ANKEF1: variants seen among roughly 807,000 people sequenced by gnomAD.
ANKEF1 encodes the protein ankyrin repeat and EF-hand domain-containing protein 1.
A neutral mutation model predicts 65.1 loss-of-function variants in ANKEF1; 43 were observed. The ratio of observed to expected loss-of-function variants is 0.66; its 90% CI spans 0.52 to 0.85. ANKEF1 has a LOEUF of 0.85. Ranked by LOEUF, ANKEF1 falls within the 40% of genes least tolerant of loss-of-function variation. The probability of loss-of-function intolerance (pLI) is 0.00; values close to 1 mark genes in which losing one functional copy is unlikely to be tolerated. For missense variants in ANKEF1, 934 were observed against 952.9 expected (o/e 0.98, Z 0.26); for synonymous variants, 316 against 341.5 (o/e 0.93, Z 0.82).
At chr20:10,035,725 A>AAAC (rs1983801240) in intron 2 of ANKEF1, 83 bp downstream of exon 2, 1 of 152,166 alleles carries the variant, frequency 6.6e-6, no homozygotes, top group Non-Finnish European at 1.5e-5. Context: ...GGATTTCCCC[A>AAAC]CCTCAAACCC....
rs949476881 is a variant in ANKEF1, at chr20:10,039,863, A to G, written c.346+1216A>G. Among the ~76,000 whole-genome samples the G allele has an allele frequency of 2.0e-5, 3 of 152,182 alleles. 1 individual carries two copies. The highest frequency in any genetic ancestry group is 2.0e-4 in the Admixed American group (3 of 15,274). On this transcript the variant is annotated intron_variant, in intron 3 of 10. Coordinates refer to ENST00000378392, the MANE Select transcript of ANKEF1 (RefSeq NM_022096.6). ...CCACAAAATAATTTTTTTTAATGAC[A>G]TCTTATATGCCTGGAGTTTTGTGGA...
chr20:10,046,630 A>T (rs990989300), intron 6 of ANKEF1, among the ~76,000 whole-genome samples: 2 of 152,164 alleles, frequency 1.3e-5, no homozygotes, highest in African/African-American at 4.8e-5. Flanking sequence ...ATTACATGCT[A>T]ATTAAATGCA....
Position 10,055,764 on chromosome 20 carries a change from A to T in ANKEF1, c.*104A>T, listed in dbSNP as rs1985116910. The T allele has an allele frequency of 1.7e-6, 2 of 1,161,592 alleles. No homozygotes were observed. The highest frequency in any genetic ancestry group is 2.2e-5 in the Admixed American group (1 of 44,496). The allele number at this position is 1,161,592 out of a possible 1,614,324, so 72.0% of individuals were successfully genotyped here. A position where few individuals can be genotyped will look rare whatever the true frequency, so the allele number is the denominator to read the frequency against. ...AGCCAAAGCAATCCATACACCAAGA[A>T]CTTGTTACCAAGAATTTCTTTTTGC... On this transcript the variant is annotated 3_prime_UTR_variant, in exon 11 of 11. Transcript: ENST00000378392.
At position 10,049,487 on chromosome 20, in the gene ANKEF1, A is replaced by G. The variant is rs747122699; in HGVS notation, c.918A>G (p.Ala306=). 4 of 1,614,192 alleles carry G rather than the reference A, an allele frequency of 2.5e-6. No homozygotes were observed. The South Asian group carries it at 4.4e-5, about 18-fold the overall frequency. Residue 306 remains alanine (A), a synonymous_variant, in exon 7 of 11, where the codon GCA becomes GCG. Transcript: ENST00000378392. The part of the protein sequence containing the change: ...FKAASKEIRR[A]ERIANKLARP... ...CAGCAAGCAAAGAAATACGCCGAGC[A>G]GAGAGAATCGCTAATAAACTAGCCA...
intron 4 of ANKEF1, 79 bp downstream of exon 4, chr20:10,043,400 C>A: frequency 7.4e-7 from 1 of 1,357,916 alleles, no homozygotes; most frequent in Non-Finnish European, 1.0e-6. Flanking sequence ...AATATGATGA[C>A]ATTATCCTGT....
chr20:10,037,093 G>A (rs992856703), intron 2 of ANKEF1, among the ~76,000 whole-genome samples: 1 of 152,124 alleles, frequency 6.6e-6, no homozygotes. Flanking sequence ...GCAGGCTTGC[G>A]ATGGAGAAAA....
At chr20:10,054,673 G>T in intron 10 of ANKEF1, 74 bp downstream of exon 10, 1 of 1,441,372 alleles carries the variant, frequency 6.9e-7, no homozygotes, top group Non-Finnish European at 9.5e-7. Context: ...TTTTTATGTA[G>T]AATATCCAAA....
chr20:10,055,728 A>C lies in ANKEF1; in HGVS notation c.*68A>C. 1 of 1,556,810 alleles carries C rather than the reference A, an allele frequency of 6.4e-7. No homozygotes were observed. Among genetic ancestry groups the C allele is most frequent in the Non-Finnish European group, 8.8e-7 (1 of 1,134,160 alleles). ...GGACCAATCTTTGGAGAAAGTAGAT[A>C]TTTCCATCAAAGCCAAAGCAATCCA... On this transcript the variant is annotated 3_prime_UTR_variant, in exon 11 of 11. Transcript: ENST00000378392.
At chr20:10,044,978 T>C (rs1226255674) in intron 5 of ANKEF1, among the ~76,000 whole-genome samples, 2 of 152,214 alleles carry the variant, frequency 1.3e-5, no homozygotes, top group Non-Finnish European at 2.9e-5. Context: ...ATTCTGATTA[T>C]CTAAACATAC....
chr20:10,041,230 GT>G (rs1395946837), intron 3 of ANKEF1, among the ~76,000 whole-genome samples: 8 of 151,374 alleles, frequency 5.3e-5, no homozygotes, highest in African/African-American at 1.7e-4. Context: ...GTATATGTGT[GT>G]TTTTCTTTAT....
chr20:10,040,475 A>G (rs1451704735), intron 3 of ANKEF1: 1 of 152,234 alleles, frequency 6.6e-6, no homozygotes, highest in Non-Finnish European at 1.5e-5. Flanking sequence ...TTTACAGAAT[A>G]TGGAGAAGGT....
At chr20:10,055,366 A>G in intron 10 of ANKEF1, 136 bp from the exon 11 acceptor site, 1 of 759,388 alleles carries the variant, frequency 1.3e-6, no homozygotes, top group Non-Finnish European at 2.1e-6. Context: ...ATCTAAAAGT[A>G]AATTTAATAG....
intron 3 of ANKEF1, among the ~76,000 whole-genome samples, chr20:10,042,361 T>C (rs1984241863): frequency 6.6e-6 from 1 of 152,158 alleles, no homozygotes; most frequent in Admixed American, 6.5e-5. Context: ...TAGTGGTTTC[T>C]TTTTTGGTTA....
rs368975724 is a variant in ANKEF1 at position 10,038,618 on chromosome 20, A to G, written c.317A>G (p.Asp106Gly). Reference protein sequence around the residue: ...SMEILAKAKADMTIVDNEGKG... With the variant: ...SMEILAKAKAGMTIVDNEGKG... ...GAAATATTAGCAAAGGCAAAGGCTGATATGACTATAGTTGATAATGAAGGA... is the reference window on the plus strand; with the variant it reads ...GAAATATTAGCAAAGGCAAAGGCTGGTATGACTATAGTTGATAATGAAGGA... Residue 106 changes from aspartate to glycine, a missense_variant, in exon 3 of 11, where the codon GAT becomes GGT. Transcript: ENST00000378392. The G allele has an allele frequency of 6.2e-7, 1 of 1,612,436 alleles. No individual in the cohort carries two copies. Among genetic ancestry groups the G allele is most frequent in the African/African-American group, 1.3e-5 (1 of 74,922 alleles).
chr20:10,051,229 G>T (rs1212596357), intron 7 of ANKEF1, among the ~76,000 whole-genome samples: 1 of 152,128 alleles, frequency 6.6e-6, no homozygotes, highest in Admixed American at 6.5e-5. Flanking sequence ...ATATTATCAA[G>T]AGAGCAACTA....
Position 10,051,876 on chromosome 20 carries a change from G to A in ANKEF1, c.1857G>A (p.Leu619=), listed in dbSNP as rs780084620. The A allele has an allele frequency of 2.0e-5, 32 of 1,609,278 alleles. No individual in the cohort carries two copies. The Middle Eastern group carries it at 1.2e-3, about 58-fold the overall frequency. The change falls in exon 8 of 11, where the codon CTG becomes CTA. Residue 619 remains leucine, a synonymous_variant. Coordinates refer to ENST00000378392, the MANE Select transcript of ANKEF1 (RefSeq NM_022096.6). The stretch of plus-strand genomic sequence containing the variant: ...TTGATATTGGTGCTAAATTCCAGCT[G>A]GAAAATAGAAAAGGTATGCGTTCAT... ...YLLDIGAKFQ[L]ENRKGHSAMD...
rs990845523 is a variant in ANKEF1 at position 10,051,325 on chromosome 20, G to T, written c.1644-338G>T. 1.8e-4 allele frequency among the ~76,000 whole-genome samples: 28 copies of T among 152,262 alleles called. 1 individual carries two copies. In the South Asian group the frequency reaches 2.7e-3, roughly 15 times the overall value. ...ATGGTAATATTTATAATTTATTAAT[G>T]AAGTTTCATTTAAAAATGTATTACA... On this transcript the variant is annotated intron_variant, in intron 7 of 10. Transcript: ENST00000378392.
At chr20:10,042,727 CTT>C (rs1287877369) in intron 3 of ANKEF1, among the ~76,000 whole-genome samples, 1 of 152,354 alleles carries the variant, frequency 6.6e-6, no homozygotes, top group African/African-American at 2.4e-5. Context: ...AGTACCATCT[CTT>C]TTGCCATTCT....
At chr20:10,047,202 C>T (rs1210418440) in intron 6 of ANKEF1, among the ~76,000 whole-genome samples, 4 of 152,162 alleles carry the variant, frequency 2.6e-5, no homozygotes, top group African/African-American at 9.7e-5. Flanking sequence ...AAGCCAAGGA[C>T]CAGAGCCTGG....
Sources: gnomAD v4.1 joint callset for allele counts (sites outside exome capture counted in the v4.1 genomes callset) on GRCh38, gnomAD v4.1.1 for gene constraint, MANE v1.5 for transcripts, NCBI Gene and HGNC (gene_info 2026-07-23, HGNC 2026-07-21) for gene names.